PRRG1: variants seen among roughly 807,000 people sequenced by gnomAD.
PRRG1 encodes transmembrane gamma-carboxyglutamic acid protein 1.
Under a neutral mutation model 11.8 loss-of-function variants are expected in PRRG1, and 5 were observed. The observed-to-expected ratio is 0.42, with a 90% confidence interval of 0.22 to 0.89. The LOEUF is 0.89. Among genes scored for constraint, PRRG1 ranks in the 40% least tolerant of loss-of-function variants. PRRG1 has a pLI of 0.28. For missense variants in PRRG1, 155 were observed against 166.1 expected, an observed-to-expected ratio of 0.93 and a Z score of 0.37; for synonymous variants, 66 against 60.4, an observed-to-expected ratio of 1.09 and a Z score of -0.43.
chrX:37,454,862 A>C lies in PRRG1; in HGVS notation c.*1241A>C, dbSNP rs1921292607. On this transcript the variant is annotated 3_prime_UTR_variant, in exon 4 of 4. Coordinates refer to ENST00000378628, the MANE Select transcript of PRRG1 (RefSeq NM_001142395.2). ...CTTGGAGCAGAGAGAACAGGCTGTA[A>C]ATGGGTTGCCAACATAAGCTGGCTG... is the stretch of plus-strand genomic sequence containing the variant. 1 of 112,055 alleles carries C rather than the reference A, an allele frequency of 8.9e-6. No individual in the cohort carries two copies. Among genetic ancestry groups the C allele is most frequent in the South Asian group, 3.7e-4 (1 of 2,692 alleles). 9.2% of individuals were successfully genotyped at this position (112,055 alleles called of 1,213,427 possible). A position where few individuals can be genotyped will look rare whatever the true frequency, so the allele number is the denominator to read the frequency against.
chrX:37,442,184 G>A, intron 3 of PRRG1: 1 of 754,506 alleles, frequency 1.3e-6, no homozygotes, highest in Non-Finnish European at 1.6e-6. Context: ...TCCTTTCAGT[G>A]TTACCATTAT....
At chrX:37,410,095 GTGGCAC>G (rs1569444464) in intron 2 of PRRG1, among the ~76,000 whole-genome samples, 1 of 111,786 alleles carries the variant, frequency 8.9e-6, no homozygotes, top group East Asian at 2.8e-4. Flanking sequence ...TCCATTGTGT[GTGGCAC>G]TGAAATCCCA....
At chrX:37,380,734 G>A (rs962880882) in intron 1 of PRRG1, among the ~76,000 whole-genome samples, 1 of 111,637 alleles carries the variant, frequency 9.0e-6, no homozygotes, top group East Asian at 2.8e-4. Context: ...GAGTACTAAA[G>A]TGGTAATAGT....
intron 1 of PRRG1, among the ~76,000 whole-genome samples, chrX:37,364,386 G>T (rs1930506331): frequency 9.0e-6 from 1 of 111,670 alleles, no homozygotes; most frequent in Non-Finnish European, 1.9e-5. Context: ...TGCAAATCTT[G>T]AGATTAAAAC....
chrX:37,411,437 G>A (rs782245389), intron 2 of PRRG1, among the ~76,000 whole-genome samples: 4 of 111,840 alleles, frequency 3.6e-5, no homozygotes, highest in Non-Finnish European at 7.5e-5. Flanking sequence ...GCATATTCAT[G>A]ATAAAATGGT....
At chrX:37,353,047 G>T (rs1325257693) in intron 1 of PRRG1, among the ~76,000 whole-genome samples, 1 of 111,566 alleles carries the variant, frequency 9.0e-6, no homozygotes, top group African/African-American at 3.3e-5. Context: ...AAAATTAACT[G>T]TAAAACAGCC....
intron 1 of PRRG1, among the ~76,000 whole-genome samples, chrX:37,366,173 A>C (rs1177877483): frequency 1.8e-5 from 2 of 112,109 alleles, no homozygotes; most frequent in Non-Finnish European, 3.8e-5. Flanking sequence ...ATATGGGGGC[A>C]ATGCTTGACT....
intron 2 of PRRG1, among the ~76,000 whole-genome samples, chrX:37,409,988 T>A (rs1463348544): frequency 8.9e-6 from 1 of 112,023 alleles, no homozygotes; most frequent in East Asian, 2.8e-4. Context: ...TTCGTTTATG[T>A]GACATGAAGG....
At chrX:37,409,857 CAAAA>C (rs782275942) in intron 2 of PRRG1, among the ~76,000 whole-genome samples, 1 of 111,626 alleles carries the variant, frequency 9.0e-6, no homozygotes, top group East Asian at 2.8e-4. Context: ...TGCATGAAAA[CAAAA>C]AACACACTTG....
At chrX:37,398,745 C>T (rs782699464) in intron 1 of PRRG1, among the ~76,000 whole-genome samples, 3 of 111,289 alleles carry the variant, frequency 2.7e-5, no homozygotes, top group Admixed American at 1.9e-4. Flanking sequence ...AAAATTTAGA[C>T]GAATGTATAA....
Position 37,453,750 on chromosome X carries a change from G to T in PRRG1, c.*129G>T. 1 of 695,912 alleles carries T rather than the reference G, an allele frequency of 1.4e-6. No homozygotes were observed. Among genetic ancestry groups the T allele is most frequent in the Admixed American group, 4.8e-5 (1 of 20,652 alleles). 57.4% of individuals were successfully genotyped at this position (695,912 alleles called of 1,213,427 possible). ...TCTTACCGCATACCACTTCACACTTGTTTTATTTTCTTTAGTTTTGTTTCT... is the reference window on the plus strand; with the variant it reads ...TCTTACCGCATACCACTTCACACTTTTTTTATTTTCTTTAGTTTTGTTTCT... On this transcript the variant is annotated 3_prime_UTR_variant, in exon 4 of 4. Transcript: ENST00000378628.
chrX:37,362,301 G>A (rs979924116), intron 1 of PRRG1, among the ~76,000 whole-genome samples: 2 of 110,905 alleles, frequency 1.8e-5, no homozygotes, highest in African/African-American at 3.3e-5. Context: ...ATGTTAACAC[G>A]GTTTATATAC....
intron 3 of PRRG1, among the ~76,000 whole-genome samples, chrX:37,426,382 A>G (rs1416055153): frequency 1.8e-5 from 2 of 112,204 alleles, no homozygotes; most frequent in South Asian, 3.7e-4. Flanking sequence ...TACTTCTCGT[A>G]CAAAAGAAAA....
chrX:37,387,486 T>C (rs782817045), intron 1 of PRRG1, among the ~76,000 whole-genome samples: 5 of 111,479 alleles, frequency 4.5e-5, no homozygotes, highest in African/African-American at 1.6e-4. Flanking sequence ...TCAGGGAACT[T>C]AAATCGTGGC....
chrX:37,439,264 A>T (rs1174162611), intron 3 of PRRG1, among the ~76,000 whole-genome samples: 3 of 111,990 alleles, frequency 2.7e-5, no homozygotes, highest in Non-Finnish European at 3.8e-5. Flanking sequence ...AAATATTAAG[A>T]TAGTATCCAA....
intron 3 of PRRG1, 32 bp downstream of exon 3, chrX:37,426,032 G>T (rs1453391438): frequency 8.9e-7 from 1 of 1,122,935 alleles, no homozygotes; most frequent in Non-Finnish European, 1.2e-6. Context: ...AAGTTGCACA[G>T]ATTTGCCTAC....
At chrX:37,429,622 CAA>C (rs782638917) in intron 3 of PRRG1, among the ~76,000 whole-genome samples, 166 of 111,700 alleles carry the variant, frequency 1.5e-3, no homozygotes, top group Non-Finnish European at 5.5e-4. Context: ...TAGGAAGTTC[CAA>C]ACTTTCCCAC....
chrX:37,453,304 A>T lies in PRRG1; in HGVS notation c.340A>T (p.Thr114Ser). ...CFLRNKTRRQ[T>S]VTEGHIPFPQ... ...CCTAAGAAACAAAACTCGTAGACAG[A>T]CAGTGACTGAAGGCCACATTCCTTT... Residue 114 changes from threonine to serine, a missense_variant, in exon 4 of 4, where the codon ACA becomes TCA. Transcript: ENST00000378628. The T allele has an allele frequency of 8.3e-7, 1 of 1,208,534 alleles. No individual in the cohort carries two copies. Among genetic ancestry groups the T allele is most frequent in the Non-Finnish European group, 1.1e-6 (1 of 892,752 alleles).
rs1339811552 is a variant in PRRG1, at chrX:37,401,127, T to C, written c.-41-5082T>C. Among the ~76,000 whole-genome samples the C allele has an allele frequency of 6.8e-3, 736 of 108,612 alleles. 8 individuals carry two copies. Among genetic ancestry groups the C allele is most frequent in the South Asian group, 0.018 (43 of 2,407 alleles). 94.3% of individuals were successfully genotyped at this position (108,612 alleles called of 115,157 possible). A position where few individuals can be genotyped will look rare whatever the true frequency, so the allele number is the denominator to read the frequency against. ...GAAAAAGAGGGAATCCTCCCTAACT[T>C]ATTTTATGAGGCCAGTATCATCCTG... On this transcript the variant is annotated intron_variant, in intron 1 of 3. Transcript: ENST00000378628.
Sources: allele counts gnomAD v4.1 joint callset (sites outside exome capture counted in the v4.1 genomes callset), GRCh38; gene constraint gnomAD v4.1.1; transcripts MANE v1.5; gene names NCBI Gene and HGNC (gene_info 2026-07-23, HGNC 2026-07-21).